TIA1: variants seen among roughly 807,000 people sequenced by gnomAD.
TIA1 encodes the protein TIA1 cytotoxic granule associated RNA binding protein, also known as cytotoxic granule associated RNA binding protein TIA1.
Under a neutral mutation model 65.9 loss-of-function variants are expected in TIA1, and 23 were observed. The observed-to-expected ratio is 0.35, with a 90% CI of 0.25 to 0.49. The LOEUF (loss-of-function observed/expected upper bound fraction) is 0.49, where lower values mean the gene tolerates loss of function less well. TIA1 is among the 20% of genes least tolerant of loss of function. The probability of loss-of-function intolerance (pLI) is 0.98; values close to 1 mark genes in which losing one functional copy is unlikely to be tolerated. For missense variants in TIA1, 371 were observed against 477.9 expected, an observed-to-expected ratio of 0.78 and a Z score of 2.09; for synonymous variants, 147 against 149.4, an observed-to-expected ratio of 0.98 and a Z score of 0.12.
chr2:70,228,418 T>C, intron 5 of TIA1: 4 of 1,288,262 alleles, frequency 3.1e-6, no homozygotes, highest in Non-Finnish European at 4.0e-6. Flanking sequence ...TGCCCAGACA[T>C]TACACCATTC....
rs182003536 is a variant in TIA1 at position 70,241,217 on chromosome 2, C to T, written c.27-5042G>A. Among the ~76,000 whole-genome samples the T allele has an allele frequency of 4.6e-5, 7 of 151,912 alleles. No individual in the cohort carries two copies. In the East Asian group the frequency reaches 9.7e-4, roughly 21 times the overall value. On this transcript the variant is annotated intron_variant, in intron 1 of 12. Transcript: ENST00000433529. ...ATCCTAGCACTTTGGGAGACCGAGG[C>T]GGATCACAGGTCAGGAGATCAAGAC...
intron 7 of TIA1, among the ~76,000 whole-genome samples, chr2:70,223,525 G>A (rs1039098581): frequency 2.6e-5 from 4 of 151,898 alleles, no homozygotes; most frequent in Non-Finnish European, 5.9e-5. Context: ...GGATTTAAGT[G>A]ATCCTCCCGC....
At chr2:70,215,711 A>C in intron 10 of TIA1, 1 of 483,842 alleles carries the variant, frequency 2.1e-6, no homozygotes. Context: ...AGGGAGCTAT[A>C]AAATCACAGA....
chr2:70,233,764 TAA>T (rs528605670), intron 2 of TIA1, among the ~76,000 whole-genome samples: 2 of 129,762 alleles, frequency 1.5e-5, no homozygotes, highest in Non-Finnish European at 1.7e-5. Flanking sequence ...AGACTCTGTC[TAA>T]AAAAAAAAAA....
Position 70,229,945 on chromosome 2 carries a change from A to G in TIA1, c.223-627T>C, listed in dbSNP as rs112766434. Among the ~76,000 whole-genome samples the G allele has an allele frequency of 5.8e-3, 885 of 151,776 alleles. 11 individuals carry two copies. The highest frequency in any genetic ancestry group is 0.021 in the African/African-American group (850 of 41,398). On this transcript the variant is annotated intron_variant, in intron 3 of 12. Transcript: ENST00000433529. The stretch of plus-strand genomic sequence containing the variant: ...AAAGCAAGATTCCATCTCAAAAAAA[A>G]AAAACAAAAAAACCTGGGGACGGTG...
chr2:70,247,458 T>C (rs1415831650), intron 1 of TIA1, among the ~76,000 whole-genome samples: 3 of 152,200 alleles, frequency 2.0e-5, no homozygotes, highest in East Asian at 1.9e-4. Context: ...CAAAAAGCTA[T>C]GTCATCCAAG....
rs1573096766 is a variant in TIA1, at chr2:70,210,786, G to A, written c.*1933C>T. ...TATTTCATTTAAGCTGCTTTTGGTT[G>A]CATGCCCTGATCTGTAGAAGTTAAC... On this transcript the variant is annotated 3_prime_UTR_variant, in exon 13 of 13. Coordinates refer to ENST00000433529, the MANE Select transcript of TIA1 (RefSeq NM_022173.4). The A allele has an allele frequency of 6.6e-6, 1 of 152,200 alleles. No individual in the cohort carries two copies. The highest frequency in any genetic ancestry group is 6.5e-5 in the Admixed American group (1 of 15,280). The allele number at this position is 152,200 out of a possible 1,614,324, so 9.4% of individuals were successfully genotyped here.
rs900745980 is a variant in TIA1, at chr2:70,212,194, A to T, written c.*525T>A. ...ATGATGTAAACTAATAATTTATATTAAAAAACCCCAAAGGGATAACAGTGG... is the reference window on the plus strand; with the variant it reads ...ATGATGTAAACTAATAATTTATATTTAAAAACCCCAAAGGGATAACAGTGG... On this transcript the variant is annotated 3_prime_UTR_variant, in exon 13 of 13. Transcript: ENST00000433529. The T allele has an allele frequency of 2.0e-5, 3 of 152,674 alleles. No individual in the cohort carries two copies. The highest frequency in any genetic ancestry group is 7.2e-5 in the African/African-American group (3 of 41,462). 9.5% of individuals were successfully genotyped at this position (152,674 alleles called of 1,614,324 possible).
At chr2:70,222,880 C>T (rs1000069282) in intron 7 of TIA1, among the ~76,000 whole-genome samples, 1 of 152,188 alleles carries the variant, frequency 6.6e-6, no homozygotes, top group African/African-American at 2.4e-5. Flanking sequence ...CGCCATTGCG[C>T]TCCAGCCTGG....
intron 6 of TIA1, chr2:70,224,917 C>T (rs1683150288): frequency 8.8e-7 from 1 of 1,130,924 alleles, no homozygotes; most frequent in Non-Finnish European, 1.1e-6. Flanking sequence ...GTGAAAGCAG[C>T]TACTCACATG....
chr2:70,214,429 T>C lies in TIA1; in HGVS notation c.954A>G (p.Gln318=), dbSNP rs1677668677. ...AACCATTAGGCATATACTGGCCAAT[T>C]TGTTGTGCATTTCCATACCACTGGC... ...QWGQWYGNAQ[Q]IGQYMPNGWQ... The change falls in exon 12 of 13, where the codon CAA becomes CAG. Residue 318 remains glutamine (Q), a synonymous_variant. Coordinates refer to ENST00000433529, the MANE Select transcript of TIA1 (RefSeq NM_022173.4). The C allele has an allele frequency of 7.4e-6, 12 of 1,613,966 alleles. No individual in the cohort carries two copies. Among genetic ancestry groups the C allele is most frequent in the Non-Finnish European group, 1.0e-5 (12 of 1,179,936 alleles).
At chr2:70,240,207 C>T (rs1295111781) in intron 1 of TIA1, among the ~76,000 whole-genome samples, 3 of 152,040 alleles carry the variant, frequency 2.0e-5, no homozygotes, top group Admixed American at 1.3e-4. Context: ...AGATGGGCAA[C>T]GACCAATGAG....
In TIA1 at chr2:70,209,665, C is replaced by A; in HGVS notation, c.*3054G>T. ...GAGTTCCTTCTAGGAGTTGTTTATC[C>A]CTGCTCATGCTTAAGATTGACGATT... On this transcript the variant is annotated 3_prime_UTR_variant, in exon 13 of 13. Coordinates refer to ENST00000433529, the MANE Select transcript of TIA1 (RefSeq NM_022173.4). 2.5e-6 allele frequency: 1 copy of A among 398,272 alleles called. No homozygotes were observed. The highest frequency in any genetic ancestry group is 4.4e-6 in the Non-Finnish European group (1 of 225,940). The allele number at this position is 398,272 out of a possible 1,614,324, so 24.7% of individuals were successfully genotyped here.
rs1558837481 is a variant in TIA1 at position 70,227,721 on chromosome 2, C to T, written c.398+14G>A. ...TTCTAATTAAAAGGATTTTATTTATCTTCTGTTACTTACGATATTCTTCCA... is the reference window on the plus strand; with the variant it reads ...TTCTAATTAAAAGGATTTTATTTATTTTCTGTTACTTACGATATTCTTCCA... On this transcript the variant is annotated intron_variant, in intron 6 of 12. Transcript: ENST00000433529. The T allele has an allele frequency of 6.5e-7, 1 of 1,528,846 alleles. No individual in the cohort carries two copies. The highest frequency in any genetic ancestry group is 8.9e-7 in the Non-Finnish European group (1 of 1,121,072). The allele number at this position is 1,528,846 out of a possible 1,614,324, so 94.7% of individuals were successfully genotyped here.
At chr2:70,236,789 G>A (rs1363846742) in intron 1 of TIA1, among the ~76,000 whole-genome samples, 1 of 152,010 alleles carries the variant, frequency 6.6e-6, no homozygotes, top group Non-Finnish European at 1.5e-5. Flanking sequence ...ATCATATCTG[G>A]CTAATTTTTT....
upstream of TIA1, chr2:70,248,775 G>GA: frequency 5.1e-6 from 2 of 389,416 alleles, no homozygotes; most frequent in Admixed American, 4.2e-5. Flanking sequence ...CGACGCGAGG[G>GA]ACGCCTCAGA....
intron 1 of TIA1, among the ~76,000 whole-genome samples, chr2:70,245,532 G>C (rs1017147022): frequency 6.6e-6 from 1 of 152,038 alleles, no homozygotes; most frequent in Non-Finnish European, 1.5e-5. Flanking sequence ...AGTAACCAAG[G>C]CCAATTCAGA....
chr2:70,237,927 C>T (rs945291573), intron 1 of TIA1, among the ~76,000 whole-genome samples: 2 of 151,448 alleles, frequency 1.3e-5, no homozygotes, highest in South Asian at 2.1e-4. Flanking sequence ...TTTGGGAGGC[C>T]GAGGTGGGCG....
intron 8 of TIA1, 81 bp from the exon 9 acceptor site, chr2:70,216,580 G>C: frequency 7.2e-7 from 1 of 1,391,164 alleles, no homozygotes; most frequent in Non-Finnish European, 1.0e-6. Flanking sequence ...CTACACTACT[G>C]TAAAGGTAAC....
Sources: allele counts gnomAD v4.1 joint callset (sites outside exome capture counted in the v4.1 genomes callset), GRCh38; gene constraint gnomAD v4.1.1; transcripts MANE v1.5; gene names NCBI Gene and HGNC (gene_info 2026-07-23, HGNC 2026-07-21).